The following NXPE3 variants were observed in gnomAD, a reference collection of about 807,000 sequenced individuals.
The protein encoded by NXPE3 is neurexophilin and PC-esterase domain family member 3, also known as NXPE family member 3.
NXPE3 carries 26 observed loss-of-function variants against 46.1 expected under a neutral mutation model. The observed-to-expected ratio is 0.56, with a 90% confidence interval of 0.41 to 0.78. The LOEUF (loss-of-function observed/expected upper bound fraction) is 0.78. Ranked by LOEUF, NXPE3 falls within the 30% of genes least tolerant of loss-of-function variation. The pLI is 0.00. For synonymous variants in NXPE3, 272 were observed against 257.9 expected, an observed-to-expected ratio of 1.05 and a Z score of -0.52; for missense variants, 620 against 686.0, an observed-to-expected ratio of 0.90 and a Z score of 1.07.
intron 6 of NXPE3, among the ~76,000 whole-genome samples, chr3:101,811,264 T>C (rs1268488132): frequency 2.0e-5 from 3 of 152,232 alleles, no homozygotes; most frequent in Non-Finnish European, 2.9e-5. Flanking sequence ...TAAATGTCTC[T>C]TGTTTTTAAG....
rs1414457466 is a variant in NXPE3, at chr3:101,827,136, C to T, written c.*5182C>T. 1.3e-5 allele frequency: 2 copies of T among 152,018 alleles called. No homozygotes were observed. The highest frequency in any genetic ancestry group is 2.4e-5 in the African/African-American group (1 of 41,352). The allele number at this position is 152,018 out of a possible 1,614,324, so 9.4% of individuals were successfully genotyped here. ...TTTAATATTCTGGTTAAATGAGAGG[C>T]CATCGGGCCTCTTTTTAAGAGTCTA... On this transcript the variant is annotated 3_prime_UTR_variant, in exon 8 of 8. Coordinates refer to ENST00000273347, the MANE Select transcript of NXPE3 (RefSeq NM_145037.4).
intron 6 of NXPE3, among the ~76,000 whole-genome samples, chr3:101,809,511 G>C (rs190771128): frequency 9.2e-5 from 14 of 152,298 alleles, no homozygotes; most frequent in Non-Finnish European, 1.5e-5. Flanking sequence ...AGGTTCATCA[G>C]ATCTTGCCTG....
chr3:101,807,514 A>G (rs757709035), intron 6 of NXPE3, among the ~76,000 whole-genome samples: 5 of 151,558 alleles, frequency 3.3e-5, no homozygotes, highest in African/African-American at 4.9e-5. Context: ...TGCAGAGACA[A>G]ATTTTTGCCA....
chr3:101,799,466 G>T (rs367636027), intron 4 of NXPE3, among the ~76,000 whole-genome samples: 1 of 151,688 alleles, frequency 6.6e-6, no homozygotes, highest in South Asian at 2.1e-4. Flanking sequence ...TCATTCTGTC[G>T]CCCAGCCTGG....
chr3:101,790,527 T>A (rs11707250), intron 4 of NXPE3, among the ~76,000 whole-genome samples: 45,156 of 152,086 alleles, frequency 0.3, 6,997 homozygotes, highest in Non-Finnish European at 0.34. Flanking sequence ...CTCTGTATGA[T>A]ATTATATAAC....
At chr3:101,790,889 C>T (rs1011269163) in intron 4 of NXPE3, among the ~76,000 whole-genome samples, 10 of 152,178 alleles carry the variant, frequency 6.6e-5, no homozygotes, top group Admixed American at 3.9e-4. Context: ...AGTCACCACA[C>T]CCAGCCAGTT....
At chr3:101,800,364 T>C (rs1160115965) in intron 4 of NXPE3, among the ~76,000 whole-genome samples, 2 of 152,218 alleles carry the variant, frequency 1.3e-5, no homozygotes, top group Non-Finnish European at 2.9e-5. Context: ...ATTATTGATT[T>C]CTAGTTTAAT....
chr3:101,806,003 G>T (rs1480297202), intron 5 of NXPE3, among the ~76,000 whole-genome samples: 1 of 151,882 alleles, frequency 6.6e-6, no homozygotes, highest in African/African-American at 2.4e-5. Context: ...CTTTATTTAA[G>T]CTATGAAATT....
intron 6 of NXPE3, among the ~76,000 whole-genome samples, chr3:101,810,718 C>T (rs1252516489): frequency 1.3e-5 from 2 of 152,172 alleles, no homozygotes; most frequent in Non-Finnish European, 2.9e-5. Context: ...CTTCTAGTAG[C>T]TGGAGAGCAT....
At chr3:101,785,372 G>A (rs551970484) in intron 3 of NXPE3, 30 bp from the exon 4 acceptor site, 1 of 501,272 alleles carries the variant, frequency 2.0e-6, no homozygotes, top group African/African-American at 1.9e-5. Context: ...ATTGCAATTG[G>A]TGATGTTCTC....
At chr3:101,797,368 T>A (rs1375045895) in intron 4 of NXPE3, among the ~76,000 whole-genome samples, 1 of 152,168 alleles carries the variant, frequency 6.6e-6, no homozygotes, top group Admixed American at 6.5e-5. Flanking sequence ...AATCCTCTGC[T>A]GCTTCTAACC....
Position 101,801,714 on chromosome 3 carries a change from T to G in NXPE3, c.573T>G (p.Ser191Arg), listed in dbSNP as rs1461799946. 1 of 1,614,200 alleles carries G rather than the reference T, an allele frequency of 6.2e-7. No homozygotes were observed. Among genetic ancestry groups the G allele is most frequent in the South Asian group, 1.1e-5 (1 of 91,086 alleles). ...TATCCGTATCTCTGGTCCACCCCAG[T>G]GAAGGGATCAGAGTTCTTCAGCGCT... is the stretch of plus-strand genomic sequence containing the variant. ...VKVSVSLVHP[S>R]EGIRVLQRLQ... Residue 191 changes from serine to arginine, a missense_variant, in exon 5 of 8, where the codon AGT becomes AGG. By Grantham distance (110) the Ser-to-Arg change is moderately radical (BLOSUM62 -1). Coordinates refer to ENST00000273347, the MANE Select transcript of NXPE3 (RefSeq NM_145037.4).
At chr3:101,816,009 C>G (rs1445046692) in intron 6 of NXPE3, among the ~76,000 whole-genome samples, 1 of 149,364 alleles carries the variant, frequency 6.7e-6, no homozygotes, top group African/African-American at 2.5e-5. Flanking sequence ...AAAAAAAAAG[C>G]AAAACTTAGC....
intron 4 of NXPE3, among the ~76,000 whole-genome samples, chr3:101,789,748 G>A (rs1940395663): frequency 6.6e-6 from 1 of 151,850 alleles, no homozygotes; most frequent in African/African-American, 2.4e-5. Flanking sequence ...CTGGAGTGCA[G>A]TGGCATGCTC....
At chr3:101,804,783 CT>C (rs1941330897) in intron 5 of NXPE3, among the ~76,000 whole-genome samples, 1 of 152,104 alleles carries the variant, frequency 6.6e-6, no homozygotes, top group Non-Finnish European at 1.5e-5. Context: ...CATCTTTGTT[CT>C]TTATCTATAA....
At chr3:101,779,533 C>G (rs1321955790) in intron 1 of NXPE3, 1 of 153,104 alleles carries the variant, frequency 6.5e-6, no homozygotes, top group African/African-American at 2.4e-5. Context: ...AGGCCCGGGT[C>G]GAAGGCATAG....
intron 6 of NXPE3, among the ~76,000 whole-genome samples, chr3:101,810,425 A>G (rs911160899): frequency 6.6e-5 from 10 of 152,238 alleles, no homozygotes; most frequent in African/African-American, 1.9e-4. Context: ...GATGACTTCC[A>G]GTGATCTATG....
chr3:101,820,992 A>G (rs1449304470), intron 7 of NXPE3, among the ~76,000 whole-genome samples: 1 of 152,104 alleles, frequency 6.6e-6, no homozygotes, highest in African/African-American at 2.4e-5. Context: ...CTTTACGTGC[A>G]CTCCCAAACC....
chr3:101,822,187 C>G lies in NXPE3; in HGVS notation c.*233C>G. The G allele has an allele frequency of 1.9e-6, 1 of 521,680 alleles. No homozygotes were observed. Among genetic ancestry groups the G allele is most frequent in the Non-Finnish European group, 3.4e-6 (1 of 291,772 alleles). The allele number at this position is 521,680 out of a possible 1,614,324, so 32.3% of individuals were successfully genotyped here. On this transcript the variant is annotated 3_prime_UTR_variant, in exon 8 of 8. Transcript: ENST00000273347. ...GCCATGGTAGAACTCTTAACTGCAT[C>G]TACACACTATATTGCTCTTGTAACC...
Sources: gnomAD v4.1 joint callset for allele counts (sites outside exome capture counted in the v4.1 genomes callset) on GRCh38, gnomAD v4.1.1 for gene constraint, MANE v1.5 for transcripts, NCBI Gene and HGNC (gene_info 2026-07-23, HGNC 2026-07-21) for gene names.